Variants in NCOA2 observed in about 807,000 individuals in gnomAD.
The protein encoded by NCOA2 is class E basic helix-loop-helix protein 75.
NCOA2 carries 21 observed loss-of-function variants against 145.1 expected under a neutral mutation model. The observed-to-expected ratio is 0.14, with a 90% CI of 0.10 to 0.21. NCOA2 has a LOEUF of 0.21. Ranked by LOEUF, NCOA2 falls within the 10% of genes least tolerant of loss-of-function variation. The pLI, the probability that NCOA2 is intolerant of heterozygous loss-of-function variation, is 1.00. For missense variants in NCOA2, 1,472 were observed against 1,837.6 expected (o/e 0.80, Z 3.64); for synonymous variants, 619 against 637.5 (o/e 0.97, Z 0.44).
chr8:70,153,865 A>G (rs1812015228), intron 11 of NCOA2, among the ~76,000 whole-genome samples: 1 of 152,252 alleles, frequency 6.6e-6, no homozygotes, highest in Admixed American at 6.5e-5. Flanking sequence ...AAGTTTAAGG[A>G]TTAATCACCC....
intron 22 of NCOA2, among the ~76,000 whole-genome samples, chr8:70,119,054 C>T (rs1368014562): frequency 6.6e-6 from 1 of 152,060 alleles, no homozygotes; most frequent in African/African-American, 2.4e-5. Flanking sequence ...AATTTCATTA[C>T]ATAATGCATA....
chr8:70,335,820 A>G (rs1005050579), intron 1 of NCOA2, among the ~76,000 whole-genome samples: 17 of 152,134 alleles, frequency 1.1e-4, no homozygotes, highest in African/African-American at 4.1e-4. Context: ...CTACACACCG[A>G]GGCTATATGG....
chr8:70,438,842 C>T, the NCOA2 span, among the ~76,000 whole-genome samples: 20 of 152,208 alleles, frequency 1.3e-4, no homozygotes, highest in Admixed American at 7.9e-4. Flanking sequence ...TACCAAACAC[C>T]GAGGTGAGGG....
intron 1 of NCOA2, among the ~76,000 whole-genome samples, chr8:70,304,963 C>T (rs1284679652): frequency 2.0e-5 from 3 of 150,124 alleles, no homozygotes; most frequent in Admixed American, 6.7e-5. Context: ...CTCAGTTGAT[C>T]TACCCATGTC....
chr8:70,314,204 A>AAAAAAG (rs1805378210), intron 1 of NCOA2, among the ~76,000 whole-genome samples: 1 of 145,644 alleles, frequency 6.9e-6, no homozygotes, highest in African/African-American at 2.6e-5. Flanking sequence ...AAAAAAAAAA[A>AAAAAAG]AAAAGCAACT....
At chr8:70,407,714 TTG>T (rs1814804636), upstream of NCOA2, among the ~76,000 whole-genome samples, 3 of 152,030 alleles carry the variant, frequency 2.0e-5, no homozygotes, top group Non-Finnish European at 4.4e-5. Context: ...GGAGAATTGT[TTG>T]AACCGGGAGG....
chr8:70,402,633 G>C (rs1814416834), intron 1 of NCOA2: 1 of 151,934 alleles, frequency 6.6e-6, no homozygotes, highest in African/African-American at 2.4e-5. Context: ...CCCGTGCCCG[G>C]GGCGTGACCG....
intron 21 of NCOA2, 27 bp downstream of exon 21, chr8:70,123,857 C>T (rs971416833): frequency 7.6e-6 from 12 of 1,570,994 alleles, no homozygotes; most frequent in Admixed American, 7.2e-5. Context: ...TATGAAGCCA[C>T]TGGGTTGCTT....
intron 4 of NCOA2, among the ~76,000 whole-genome samples, chr8:70,210,708 A>G (rs548110448): frequency 2.4e-4 from 36 of 152,302 alleles, no homozygotes; most frequent in African/African-American, 8.7e-4. Context: ...CTTGAGGGAA[A>G]GAGCCCTCCA....
At chr8:70,454,003 ACT>A in the NCOA2 span, among the ~76,000 whole-genome samples, 17 of 152,150 alleles carry the variant, frequency 1.1e-4, no homozygotes, top group African/African-American at 3.6e-4. Flanking sequence ...ATTTAAAGTA[ACT>A]CTCATTTTGA....
chr8:70,306,503 G>T (rs550932141), intron 1 of NCOA2, among the ~76,000 whole-genome samples: 36 of 152,192 alleles, frequency 2.4e-4, no homozygotes, highest in Non-Finnish European at 5.0e-4. Context: ...TAGATCTTGA[G>T]ATGAGCATTC....
intron 11 of NCOA2, 145 bp downstream of exon 11, chr8:70,155,826 A>G (rs1812215939): frequency 4.3e-6 from 3 of 689,740 alleles, no homozygotes; most frequent in Non-Finnish European, 4.6e-6. Flanking sequence ...TGAAACACAC[A>G]GCTTCAGCGA....
chr8:70,219,190 A>T (rs1052730741), intron 2 of NCOA2, among the ~76,000 whole-genome samples: 3 of 152,192 alleles, frequency 2.0e-5, no homozygotes, highest in Non-Finnish European at 4.4e-5. Flanking sequence ...TCATTTGAGC[A>T]GACTGTTTAT....
chr8:70,246,865 C>CA (rs2134611671), intron 2 of NCOA2, among the ~76,000 whole-genome samples: 1 of 152,208 alleles, frequency 6.6e-6, no homozygotes, highest in African/African-American at 2.4e-5. Context: ...CAGATCAAGA[C>CA]AGAGAGTTTT....
chr8:70,300,185 T>C (rs890159300), intron 1 of NCOA2, among the ~76,000 whole-genome samples: 6 of 152,186 alleles, frequency 3.9e-5, no homozygotes, highest in African/African-American at 1.2e-4. Flanking sequence ...GGTGATAGAA[T>C]TGTTCTAAAA....
At chr8:70,436,678 T>C in the NCOA2 span, among the ~76,000 whole-genome samples, 3 of 152,254 alleles carry the variant, frequency 2.0e-5, no homozygotes, top group African/African-American at 4.8e-5. Flanking sequence ...GTGGCTCAAA[T>C]TGCTGAACCA....
the NCOA2 span, among the ~76,000 whole-genome samples, chr8:70,429,688 G>T: frequency 1.3e-5 from 2 of 152,192 alleles, no homozygotes; most frequent in Non-Finnish European, 2.9e-5. Flanking sequence ...GAGTATAAAA[G>T]TAATACATAT....
chr8:70,178,707 G>GGGAT (rs1815139155), intron 4 of NCOA2, among the ~76,000 whole-genome samples: 1 of 152,222 alleles, frequency 6.6e-6, no homozygotes, highest in Non-Finnish European at 1.5e-5. Flanking sequence ...TTCAAAAAAA[G>GGGAT]GGATGGAAAT....
chr8:70,384,760 A>T (rs1812510374), intron 1 of NCOA2, among the ~76,000 whole-genome samples: 1 of 152,182 alleles, frequency 6.6e-6, no homozygotes, highest in Non-Finnish European at 1.5e-5. Context: ...CTTCTCTGTA[A>T]AACAGCACTG....
Sources: allele counts gnomAD v4.1 joint callset (sites outside exome capture counted in the v4.1 genomes callset), GRCh38; gene constraint gnomAD v4.1.1; transcripts MANE v1.5; gene names NCBI Gene and HGNC (gene_info 2026-07-23, HGNC 2026-07-21).